The following GPD1 variants were observed in gnomAD, a reference collection of about 807,000 sequenced individuals.
GPD1 encodes glycerol-3-phosphate dehydrogenase [NAD(+)], cytoplasmic.
A neutral mutation model predicts 34.4 loss-of-function variants in GPD1; 19 were observed. The observed-to-expected ratio is 0.55, with a 90% CI of 0.39 to 0.81. The LOEUF (loss-of-function observed/expected upper bound fraction) is 0.81. GPD1 is among the 30% of genes least tolerant of loss of function. The pLI, the probability that GPD1 is intolerant of heterozygous loss-of-function variation, is 0.00. For missense variants in GPD1, 429 were observed against 447.0 expected, an observed-to-expected ratio of 0.96 and a Z score of 0.36; for synonymous variants, 172 against 174.1, an observed-to-expected ratio of 0.99 and a Z score of 0.09.
At chr12:50,104,211 T>G in intron 1 of GPD1, 120 bp downstream of exon 1, 14 of 958,594 alleles carry the variant, frequency 1.5e-5, no homozygotes, top group Non-Finnish European at 2.2e-5. Flanking sequence ...TGCTATCTTC[T>G]ATCATAGCAG....
rs199673455 is a variant in GPD1 at position 50,107,640 on chromosome 12, G to A, written c.686G>A (p.Arg229Gln). 62 of 1,614,130 alleles carry A rather than the reference G, an allele frequency of 3.8e-5. No homozygotes were observed. The highest frequency in any genetic ancestry group is 1.0e-4 in the Admixed American group (6 of 60,022). Residue 229 changes from arginine to glutamine, a missense_variant, in exon 6 of 8, where the codon CGG (arginine) becomes CAG (glutamine). Coordinates refer to ENST00000301149, the MANE Select transcript of GPD1 (RefSeq NM_005276.4). ...GACAACACCAAGGCGGCAGTGATCC[G>A]GCTGGGACTCATGGAGATGATAGCC... ...FGDNTKAAVIRLGLMEMIAFA... is the reference protein window; with the variant it reads ...FGDNTKAAVIQLGLMEMIAFA...
chr12:50,106,290 G>A lies in GPD1; in HGVS notation c.363G>A (p.Gly121=), dbSNP rs1008532410. Residue 121 remains glycine (G), a splice_region_variant and synonymous_variant, in exon 4 of 8, where the codon GGG becomes GGA. Coordinates refer to ENST00000301149, the MANE Select transcript of GPD1 (RefSeq NM_005276.4). ...ANATGISLIK[G]VDEGPNGLKL... ...CCTGAGCTCCATCCTGTGCTCAGGGGGTAGACGAGGGCCCCAATGGGCTGA... is the reference window on the plus strand; with the variant it reads ...CCTGAGCTCCATCCTGTGCTCAGGGAGTAGACGAGGGCCCCAATGGGCTGA... The A allele has an allele frequency of 4.4e-6, 7 of 1,608,884 alleles. No homozygotes were observed. The highest frequency in any genetic ancestry group is 5.9e-6 in the Non-Finnish European group (7 of 1,178,274).
chr12:50,104,084 G>T lies in GPD1; in HGVS notation c.34G>T (p.Gly12Trp). The change falls in exon 1 of 8, where the codon GGG becomes TGG. Residue 12 changes from glycine to tryptophan, a missense_variant. Physicochemically the swap from Gly to Trp is radical, Grantham distance 184 (BLOSUM62 -2). Coordinates refer to ENST00000301149, the MANE Select transcript of GPD1 (RefSeq NM_005276.4). Reference protein sequence around the residue: ...ASKKVCIVGSGNWGSAIAKIV... With the variant: ...ASKKVCIVGSWNWGSAIAKIV... Reference sequence around the variant, plus strand: ...CAAGAAAGTCTGCATTGTAGGCTCCGGGAACTGGTAAGCAGCTCTGTCAAG... The same window carrying T: ...CAAGAAAGTCTGCATTGTAGGCTCCTGGAACTGGTAAGCAGCTCTGTCAAG... 6.2e-7 allele frequency: 1 copy of T among 1,614,028 alleles called. No homozygotes were observed. The highest frequency in any genetic ancestry group is 2.2e-5 in the East Asian group (1 of 44,872).
Position 50,107,658 on chromosome 12 carries a change from T to G in GPD1, c.704T>G (p.Met235Arg). Residue 235 changes from methionine to arginine, a missense_variant, in exon 6 of 8, where the codon ATG (methionine) becomes AGG (arginine). Coordinates refer to ENST00000301149, the MANE Select transcript of GPD1 (RefSeq NM_005276.4). ...AAVIRLGLME[M>R]IAFAKLFCSG... The stretch of plus-strand genomic sequence containing the variant: ...GTGATCCGGCTGGGACTCATGGAGA[T>G]GATAGCCTTCGCCAAGCTCTTCTGC... The G allele has an allele frequency of 6.2e-7, 1 of 1,614,140 alleles. No homozygotes were observed. Among genetic ancestry groups the G allele is most frequent in the Non-Finnish European group, 8.5e-7 (1 of 1,179,982 alleles).
At chr12:50,104,304 A>G in intron 1 of GPD1, 1 of 701,236 alleles carries the variant, frequency 1.4e-6, no homozygotes, top group Non-Finnish European at 2.6e-6. Flanking sequence ...AGGCGTCTCC[A>G]GAGCTCTCTA....
intron 5 of GPD1, chr12:50,107,164 C>T (rs371035841): frequency 6.3e-5 from 42 of 671,870 alleles, no homozygotes; most frequent in Non-Finnish European, 1.1e-4. Flanking sequence ...GTGGGACTCC[C>T]CACCCTCTGG....
At chr12:50,107,846 TC>T in intron 6 of GPD1, 46 bp downstream of exon 6, 1 of 1,382,802 alleles carries the variant, frequency 7.2e-7, no homozygotes, top group Non-Finnish European at 1.0e-6. Context: ...TCTGTAGGCA[TC>T]CAGGTAGAGG....
At position 50,109,545 on chromosome 12, in the gene GPD1, G is replaced by A. The variant is rs749174466; in HGVS notation, c.*26G>A. On this transcript the variant is annotated 3_prime_UTR_variant, in exon 8 of 8. Coordinates refer to ENST00000301149, the MANE Select transcript of GPD1 (RefSeq NM_005276.4). Reference sequence around the variant, plus strand: ...GTGGGGCCAGGGCCCAGGCCAGGCCGCTTTTTTACCCCAGTGGAGACCAGC... The same window carrying A: ...GTGGGGCCAGGGCCCAGGCCAGGCCACTTTTTTACCCCAGTGGAGACCAGC... The A allele has an allele frequency of 1.8e-5, 21 of 1,151,438 alleles. No individual in the cohort carries two copies. Among genetic ancestry groups the A allele is most frequent in the East Asian group, 7.0e-5 (3 of 42,950 alleles). 71.3% of individuals were successfully genotyped at this position (1,151,438 alleles called of 1,614,324 possible).
At chr12:50,104,816 T>C in intron 2 of GPD1, 65 bp downstream of exon 2, 1 of 1,404,496 alleles carries the variant, frequency 7.1e-7, no homozygotes. Context: ...GAGCCGACCT[T>C]ACTCAACAGG....
rs1183185105 is a variant in GPD1, at chr12:50,107,585, G to A, written c.631G>A (p.Ala211Thr). 1 of 1,614,010 alleles carries A rather than the reference G, an allele frequency of 6.2e-7. No individual in the cohort carries two copies. Among genetic ancestry groups the A allele is most frequent in the African/African-American group, 1.3e-5 (1 of 75,022 alleles). Reference protein sequence around the residue: ...GALKNVVAVGAGFCDGLGFGD... With the variant: ...GALKNVVAVGTGFCDGLGFGD... ...CTTCAAGAATGTAGTGGCCGTGGGG[G>A]CTGGCTTCTGTGATGGCCTGGGCTT... is the stretch of plus-strand genomic sequence containing the variant. Residue 211 changes from alanine to threonine, a missense_variant, in exon 6 of 8, where the codon GCT becomes ACT. Transcript: ENST00000301149.
intron 5 of GPD1, 37 bp from the exon 6 acceptor site, chr12:50,107,530 G>T: frequency 1.4e-6 from 2 of 1,476,554 alleles, no homozygotes; most frequent in South Asian, 2.3e-5. Context: ...CCTATAGGAG[G>T]GGGTCTTTTC....
In GPD1 at chr12:50,109,821, T is replaced by TG; in HGVS notation, c.*304dup. 8.6e-6 allele frequency: 3 copies of TG among 348,086 alleles called. No homozygotes were observed. The highest frequency in any genetic ancestry group is 5.5e-5 in the East Asian group (1 of 18,190). 21.6% of individuals were successfully genotyped at this position (348,086 alleles called of 1,614,324 possible). On this transcript the variant is annotated 3_prime_UTR_variant, in exon 8 of 8. Transcript: ENST00000301149. ...TCAAGCCCCAGTGCTGCCTGCTTGG[T>TG]GGCGGGGGTGATGTATGTGGAGAAG...
rs375867637 is a variant in GPD1, at chr12:50,108,521, G to A, written c.953+391G>A. Among the ~76,000 whole-genome samples, 28 of 152,270 alleles carry A rather than the reference G, an allele frequency of 1.8e-4. No individual in the cohort carries two copies. In the South Asian group the frequency reaches 4.1e-3, roughly 23 times the overall value. On this transcript the variant is annotated intron_variant, in intron 7 of 7. Coordinates refer to ENST00000301149, the MANE Select transcript of GPD1 (RefSeq NM_005276.4). The stretch of plus-strand genomic sequence containing the variant: ...CCTGAATCCTGTTCTGGGTGCTGAG[G>A]TGTAAGGAGAAGGATGGGCTTCAAG...
chr12:50,106,566 C>A, intron 4 of GPD1, 140 bp downstream of exon 4: 1 of 867,696 alleles, frequency 1.2e-6, no homozygotes, highest in South Asian at 1.6e-5. Flanking sequence ...GAGGCTGGGA[C>A]ACCCCCAGGG....
At chr12:50,107,877 C>A in intron 6 of GPD1, 77 bp downstream of exon 6, 1 of 1,151,458 alleles carries the variant, frequency 8.7e-7, no homozygotes, top group Non-Finnish European at 1.3e-6. Context: ...GGAGGCATCT[C>A]TGGAGCACAA....
intron 3 of GPD1, 185 bp downstream of exon 3, chr12:50,105,873 G>A (rs920731331): frequency 6.9e-6 from 5 of 720,580 alleles, no homozygotes; most frequent in Non-Finnish European, 1.2e-5. Flanking sequence ...CTGGAAGGGA[G>A]GCTGAAGGGA....
chr12:50,105,370 TG>T (rs1261788297), intron 2 of GPD1, 177 bp from the exon 3 acceptor site: 5 of 625,898 alleles, frequency 8.0e-6, no homozygotes, highest in South Asian at 2.0e-5. Flanking sequence ...GAGTGGTAGC[TG>T]GGGGGAGGGA....
intron 2 of GPD1, 192 bp from the exon 3 acceptor site, chr12:50,105,356 G>C: frequency 1.6e-6 from 1 of 610,014 alleles, no homozygotes; most frequent in Non-Finnish European, 2.9e-6. Context: ...GCTGGAGGGA[G>C]ACAGAGTGGT....
Position 50,106,894 on chromosome 12 carries a change from G to A in GPD1, c.589G>A (p.Val197Ile). Residue 197 changes from valine to isoleucine, a missense_variant, in exon 5 of 8, where the codon GTA becomes ATA. Physicochemically the swap from Val to Ile is conservative, Grantham distance 29. Transcript: ENST00000301149. Reference protein sequence around the residue: ...RITVVQEVDTVEICGALKNVV... With the variant: ...RITVVQEVDTIEICGALKNVV... ...CACAGTGGTGCAAGAGGTGGACACA[G>A]TAGAGATCTGTGGAGCCTTAAAGGT... 2.5e-6 allele frequency: 4 copies of A among 1,609,688 alleles called. No individual in the cohort carries two copies. The highest frequency in any genetic ancestry group is 3.4e-6 in the Non-Finnish European group (4 of 1,175,902).
Sources: gnomAD v4.1 joint callset for allele counts (sites outside exome capture counted in the v4.1 genomes callset) on GRCh38, gnomAD v4.1.1 for gene constraint, MANE v1.5 for transcripts, NCBI Gene and HGNC (gene_info 2026-07-23, HGNC 2026-07-21) for gene names.